Variants in CC2D2B observed in about 807,000 individuals in gnomAD.
CC2D2B encodes coiled-coil and C2 domain containing 2B, also known as protein CC2D2B.
CC2D2B carries 128 observed loss-of-function variants against 161.2 expected under a neutral mutation model. The ratio of observed to expected loss-of-function variants is 0.79; its 90% CI spans 0.69 to 0.92. CC2D2B has a LOEUF of 0.92. Among genes scored for constraint, CC2D2B ranks in the 40% least tolerant of loss-of-function variants. The pLI is 0.00. For synonymous variants in CC2D2B, 391 were observed against 449.8 expected (o/e 0.87, Z 1.65); for missense variants, 1,173 against 1,375.1 (o/e 0.85, Z 2.32).
chr10:95,923,952 G>A (rs1243700731), intron 3 of CC2D2B, among the ~76,000 whole-genome samples: 2 of 151,976 alleles, frequency 1.3e-5, no homozygotes, highest in Non-Finnish European at 2.9e-5. Context: ...ACCCGGGAGG[G>A]GGAGGTTGCA....
chr10:96,017,741 G>T (rs953795401), intron 30 of CC2D2B, among the ~76,000 whole-genome samples: 6 of 150,792 alleles, frequency 4.0e-5, no homozygotes, highest in Admixed American at 3.3e-4. Flanking sequence ...GATCAGCCTG[G>T]ATAACACAGG....
intron 17 of CC2D2B, among the ~76,000 whole-genome samples, 171 bp from the exon 18 acceptor site, chr10:95,981,804 G>A (rs1385876385): frequency 6.6e-6 from 1 of 152,130 alleles, no homozygotes; most frequent in African/African-American, 2.4e-5. Context: ...TGAAAACTAG[G>A]AGAGATGTCA....
At chr10:95,932,357 C>A (rs1360107639) in intron 6 of CC2D2B, among the ~76,000 whole-genome samples, 1 of 152,148 alleles carries the variant, frequency 6.6e-6, no homozygotes, top group East Asian at 1.9e-4. Flanking sequence ...TATCTTTTAA[C>A]TGGGGCATTT....
chr10:95,990,977 G>A (rs1037396027), intron 20 of CC2D2B, among the ~76,000 whole-genome samples: 3 of 152,152 alleles, frequency 2.0e-5, no homozygotes, highest in African/African-American at 7.2e-5. Context: ...AAATTCCTTG[G>A]GTTTGTAGAT....
rs771406881 is a variant in CC2D2B, at chr10:96,019,764, A to T, written c.3828A>T (p.Glu1276Asp). 1 of 1,604,144 alleles carries T rather than the reference A, an allele frequency of 6.2e-7. No homozygotes were observed. Among genetic ancestry groups the T allele is most frequent in the South Asian group, 1.1e-5 (1 of 88,420 alleles). ...PMAVFFDYSK[E>D]SFWKQLLPKN... ...CTGTATTTTTTGACTATTCAAAGGA[A>T]AGTTTCTGGAAGCAGTTGCTTCCAA... is the stretch of plus-strand genomic sequence containing the variant. Residue 1276 changes from glutamate to aspartate, a missense_variant, in exon 32 of 35, where the codon GAA becomes GAT. Glu to Asp is a conservative substitution (Grantham distance 45, BLOSUM62 2). Coordinates refer to ENST00000646931, the MANE Select transcript of CC2D2B (RefSeq NM_001349008.3).
At position 96,013,791 on chromosome 10, in the gene CC2D2B, C is replaced by T. The variant is rs558092135; in HGVS notation, c.3430C>T (p.Leu1144Phe). The change falls in exon 29 of 35, where the codon CTC (leucine) becomes TTC (phenylalanine). Residue 1144 changes from leucine to phenylalanine, a missense_variant. Coordinates refer to ENST00000646931, the MANE Select transcript of CC2D2B (RefSeq NM_001349008.3). Reference protein sequence around the residue: ...FLHNSNATFDLIARFVSLIPF... With the variant: ...FLHNSNATFDFIARFVSLIPF... ...ATAAATGTGAATATTATTCTAGGAC[C>T]TCATTGCTCGATTTGTATCTTTGAT... 2 of 1,592,682 alleles carry T rather than the reference C, an allele frequency of 1.3e-6. No individual in the cohort carries two copies. Among genetic ancestry groups the T allele is most frequent in the African/African-American group, 1.4e-5 (1 of 74,036 alleles).
Position 95,983,810 on chromosome 10 carries a change from GT to G in CC2D2B, c.2286+2del. ...AGAGATTCCAGATTTAGTCTTCCAG[GT>G]ATTTGGTTTCTATTTGAATATGGCT... On this transcript the variant is annotated splice_donor_variant, in intron 19 of 34. Transcript: ENST00000646931. LOFTEE classifies it high-confidence loss of function. 3.3e-6 allele frequency: 4 copies of G among 1,212,414 alleles called. No homozygotes were observed. In the East Asian group the frequency reaches 1.3e-4, roughly 38 times the overall value. The allele number at this position is 1,212,414 out of a possible 1,614,324, so 75.1% of individuals were successfully genotyped here. A position where few individuals can be genotyped will look rare whatever the true frequency, so the allele number is the denominator to read the frequency against.
intron 32 of CC2D2B, among the ~76,000 whole-genome samples, chr10:96,021,801 G>A (rs529495588): frequency 6.6e-6 from 1 of 152,200 alleles, no homozygotes; most frequent in Non-Finnish European, 1.5e-5. Context: ...AGTATACAGA[G>A]TACTTCAAGT....
rs3833495 is a variant in CC2D2B, at chr10:96,012,336, CAT to C, written c.3200_3201del (p.Tyr1067CysfsTer4). ...TTTGCTACCATTGAACCTCAAATAT[CAT>C]ATGTCACCTGTAATCCAACACTAGA... On this transcript the variant is annotated frameshift_variant, in exon 27 of 35. Coordinates refer to ENST00000646931, the MANE Select transcript of CC2D2B (RefSeq NM_001349008.3). LOFTEE classifies it high-confidence loss of function. 146 of 701,858 alleles carry C rather than the reference CAT, an allele frequency of 2.1e-4. 1 individual carries two copies. In the East Asian group the frequency reaches 3.1e-3, roughly 15 times the overall value. The allele number at this position is 701,858 out of a possible 1,614,324, so 43.5% of individuals were successfully genotyped here.
intron 20 of CC2D2B, among the ~76,000 whole-genome samples, chr10:95,990,031 A>C (rs2077888324): frequency 2.0e-5 from 3 of 152,210 alleles, no homozygotes; most frequent in African/African-American, 7.2e-5. Context: ...GTAGTCTCAA[A>C]TATTACTAAA....
In CC2D2B at chr10:95,911,336, CAA is replaced by C. The variant is rs2098506089; in HGVS notation, c.15_16del (p.Glu7ArgfsTer4). The C allele has an allele frequency of 4.1e-6, 1 of 242,728 alleles. No individual in the cohort carries two copies. Among genetic ancestry groups the C allele is most frequent in the African/African-American group, 2.2e-5 (1 of 45,130 alleles). The allele number at this position is 242,728 out of a possible 1,614,324, so 15.0% of individuals were successfully genotyped here. A position where few individuals can be genotyped will look rare whatever the true frequency, so the allele number is the denominator to read the frequency against. Reference sequence around the variant, plus strand: ...TAAAAGGACCATCATGAAAAAATCTCAAAGAGAAGATATTTTTAAAAAGGTAA... The same window carrying C: ...TAAAAGGACCATCATGAAAAAATCTCAGAGAAGATATTTTTAAAAAGGTAA... MKKS[Q>X]REDIFKKMSE... On this transcript the variant is annotated frameshift_variant, in exon 2 of 35. Coordinates refer to ENST00000646931, the MANE Select transcript of CC2D2B (RefSeq NM_001349008.3). LOFTEE classifies it high-confidence loss of function.
At position 95,912,366 on chromosome 10, in the gene CC2D2B, C is replaced by A. The variant is rs571686400; in HGVS notation, c.36+1007C>A. 2.9e-3 allele frequency among the ~76,000 whole-genome samples: 437 copies of A among 152,214 alleles called. 2 individuals carry two copies. Among genetic ancestry groups the A allele is most frequent in the Non-Finnish European group, 5.2e-3 (356 of 67,988 alleles). ...ACATACTGAATTTTTGTTGATGATA[C>A]AACATTCAACTAGAATTACCAGAAG... On this transcript the variant is annotated intron_variant, in intron 2 of 34. Transcript: ENST00000646931.
chr10:95,958,185 G>A (rs1050844158), intron 11 of CC2D2B, among the ~76,000 whole-genome samples: 16 of 152,058 alleles, frequency 1.1e-4, no homozygotes, highest in Non-Finnish European at 1.6e-4. Context: ...AAAACCGTAC[G>A]TTAAACCATG....
chr10:95,938,413 A>C, intron 7 of CC2D2B, 156 bp from the exon 8 acceptor site: 1 of 600,824 alleles, frequency 1.7e-6, no homozygotes, highest in Non-Finnish European at 3.0e-6. Flanking sequence ...ATATAGAGAG[A>C]GAGAGCGAGC....
Position 95,993,863 on chromosome 10 carries a change from GAGAGAGAGTGTATATATATATATAT to G in CC2D2B, c.2642+1175_2642+1199del, listed in dbSNP as rs1464373378. 2.7e-3 allele frequency among the ~76,000 whole-genome samples: 294 copies of G among 108,766 alleles called. 3 individuals are homozygous for G. The highest frequency in any genetic ancestry group is 7.7e-3 in the East Asian group (8 of 1,034). 71.4% of individuals were successfully genotyped at this position (108,766 alleles called of 152,430 possible). A position where few individuals can be genotyped will look rare whatever the true frequency, so the allele number is the denominator to read the frequency against. On this transcript the variant is annotated intron_variant, in intron 22 of 34. Coordinates refer to ENST00000646931, the MANE Select transcript of CC2D2B (RefSeq NM_001349008.3). ...ATATATATATATATAGAGAGAGAGAGAGAGAGAGTGTATATATATATATATAGAGAGAGAGAATGTGTGTGTGTGT... is the reference window on the plus strand; with the variant it reads ...ATATATATATATATAGAGAGAGAGAGAGAGAGAGAGAATGTGTGTGTGTGT...
intron 9 of CC2D2B, among the ~76,000 whole-genome samples, chr10:95,944,328 A>G (rs2076123260): frequency 6.6e-6 from 1 of 152,230 alleles, no homozygotes; most frequent in Admixed American, 6.5e-5. Flanking sequence ...TGGTACCACC[A>G]TACCAAACAT....
chr10:95,996,930 G>A (rs2078251479), intron 24 of CC2D2B, among the ~76,000 whole-genome samples: 1 of 152,178 alleles, frequency 6.6e-6, no homozygotes, highest in African/African-American at 2.4e-5. Flanking sequence ...GGCTTGCAGT[G>A]TGGGTTCACT....
intron 17 of CC2D2B, among the ~76,000 whole-genome samples, chr10:95,977,693 A>G (rs1033529164): frequency 2.6e-5 from 4 of 152,108 alleles, no homozygotes; most frequent in African/African-American, 9.7e-5. Context: ...CTCATTCTTA[A>G]TAGTTTAGGT....
chr10:95,924,329 A>G lies in CC2D2B; in HGVS notation c.113A>G (p.Glu38Gly). The G allele has an allele frequency of 1.3e-6, 2 of 1,514,124 alleles. No homozygotes were observed. The highest frequency in any genetic ancestry group is 1.8e-6 in the Non-Finnish European group (2 of 1,127,376). 93.8% of individuals were successfully genotyped at this position (1,514,124 alleles called of 1,614,324 possible). The change falls in exon 4 of 35, where the codon GAA (glutamate) becomes GGA (glycine). Residue 38 changes from glutamate to glycine, a missense_variant. By Grantham distance (98) the Glu-to-Gly change is moderately conservative. This residue lies in a region of CC2D2B where 298 missense variants were observed against 261.2 expected (regional missense o/e 1.14). Transcript: ENST00000646931. ...TTCCTGATAGATTTAGATGCAGAAG[A>G]AAATCAAAATGTAGCAAAGACATTG... ...KHLQKDLDAEENQNVAKTLRG... is the reference protein window; with the variant it reads ...KHLQKDLDAEGNQNVAKTLRG...
Sources: gnomAD v4.1 joint callset for allele counts (sites outside exome capture counted in the v4.1 genomes callset) on GRCh38, gnomAD v4.1.1 for gene constraint, gnomAD v4.1.1 regional missense constraint, MANE v1.5 for transcripts, NCBI Gene and HGNC (gene_info 2026-07-23, HGNC 2026-07-21) for gene names.